The following RIC3 variants were observed in gnomAD, a reference collection of about 807,000 sequenced individuals.
RIC3 encodes RIC3 acetylcholine receptor chaperone.
In RIC3, 28 loss-of-function variants were observed where a neutral mutation model predicts 27.3. The ratio of observed to expected loss-of-function variants is 1.02; its 90% CI spans 0.76 to 1.41. The LOEUF is 1.41. RIC3 is among the 40% of genes most tolerant of loss of function. The pLI, the probability that RIC3 is intolerant of heterozygous loss-of-function variation, is 0.00. For missense variants in RIC3, 501 were observed against 444.7 expected, an observed-to-expected ratio of 1.13 and a Z score of -1.14; for synonymous variants, 184 against 160.4, an observed-to-expected ratio of 1.15 and a Z score of -1.11.
intron 4 of RIC3, among the ~76,000 whole-genome samples, chr11:8,129,201 C>G (rs1262145039): frequency 6.6e-6 from 1 of 151,744 alleles, no homozygotes; most frequent in Non-Finnish European, 1.5e-5. Flanking sequence ...TTGTATTCTC[C>G]CACTTCTTTA....
At chr11:8,150,905 T>A (rs1950161527) in intron 1 of RIC3, among the ~76,000 whole-genome samples, 1 of 152,200 alleles carries the variant, frequency 6.6e-6, no homozygotes, top group South Asian at 2.1e-4. Context: ...TCATCCAGTC[T>A]TAATAAGTGG....
At chr11:8,163,864 G>T (rs776908937) in intron 1 of RIC3, among the ~76,000 whole-genome samples, 8 of 149,892 alleles carry the variant, frequency 5.3e-5, no homozygotes, top group African/African-American at 9.8e-5. Flanking sequence ...AATTCCTATG[G>T]AAATGCTAGG....
chr11:8,151,731 T>C (rs1345786614), intron 1 of RIC3, among the ~76,000 whole-genome samples: 1 of 151,106 alleles, frequency 6.6e-6, no homozygotes, highest in African/African-American at 2.4e-5. Context: ...CTGGCCAACA[T>C]GGTGAAACCT....
At chr11:8,138,580 G>A in intron 2 of RIC3, 1 of 472,154 alleles carries the variant, frequency 2.1e-6, no homozygotes, top group South Asian at 4.1e-5. Flanking sequence ...CCTCTTCAAA[G>A]AGACTTTACT....
chr11:8,095,764 T>A, the RIC3 span: 1 of 1,293,638 alleles, frequency 7.7e-7, no homozygotes, highest in Non-Finnish European at 1.1e-6. Flanking sequence ...TCCAAACCCC[T>A]CCCTGGCAAT....
intron 5 of RIC3, among the ~76,000 whole-genome samples, chr11:8,117,321 T>C (rs1945960540): frequency 6.6e-6 from 1 of 152,202 alleles, no homozygotes; most frequent in Admixed American, 6.5e-5. Flanking sequence ...TGCCTCGGCC[T>C]CCCAAAGTGT....
At chr11:8,127,113 G>C (rs1947083727) in intron 4 of RIC3, among the ~76,000 whole-genome samples, 1 of 152,018 alleles carries the variant, frequency 6.6e-6, no homozygotes, top group South Asian at 2.1e-4. Context: ...GTTTTTTCAG[G>C]GTATGTCAAT....
At chr11:8,130,142 T>C (rs1019015635) in intron 4 of RIC3, among the ~76,000 whole-genome samples, 1 of 152,202 alleles carries the variant, frequency 6.6e-6, no homozygotes, top group African/African-American at 2.4e-5. Flanking sequence ...CTTCCATTCA[T>C]AGTGCAAAGA....
the RIC3 span, chr11:8,097,602 C>T: frequency 7.7e-7 from 1 of 1,297,702 alleles, no homozygotes; most frequent in Non-Finnish European, 1.1e-6. Context: ...TGTGTGTGCA[C>T]ATATGTGCGT....
rs1564953174 is a variant in RIC3 at position 8,110,193 on chromosome 11, C to G, written c.*505G>C. 4.6e-6 allele frequency: 1 copy of G among 219,522 alleles called. No homozygotes were observed. The highest frequency in any genetic ancestry group is 9.1e-6 in the Non-Finnish European group (1 of 109,562). The allele number at this position is 219,522 out of a possible 1,614,324, so 13.6% of individuals were successfully genotyped here. A position where few individuals can be genotyped will look rare whatever the true frequency, so the allele number is the denominator to read the frequency against. On this transcript the variant is annotated 3_prime_UTR_variant, in exon 6 of 6. Coordinates refer to ENST00000309737, the MANE Select transcript of RIC3 (RefSeq NM_001206671.4). ...AGCTTAGACAGCAGAGTCTTACCCT[C>G]CTCTGGGCCCATTAGCCCCACAAAC...
rs931814965 is a variant in RIC3 at position 8,110,721 on chromosome 11, G to A, written c.1087C>T (p.Arg363Cys). Residue 363 changes from arginine (R) to cysteine (C), a missense_variant, in exon 6 of 6, where the codon CGT becomes TGT. Transcript: ENST00000309737. ...TTTCACTCTAAACCCTGGGGGTTAC[G>A]CTTCCTCAGCATGCTGCCTGTATAT... ...KAYTGSMLRK[R>C]NPQGLE 1.9e-6 allele frequency: 3 copies of A among 1,614,158 alleles called. No individual in the cohort carries two copies. The highest frequency in any genetic ancestry group is 1.7e-5 in the Admixed American group (1 of 60,026).
intron 5 of RIC3, among the ~76,000 whole-genome samples, chr11:8,112,772 CT>C (rs1945421081): frequency 6.6e-6 from 1 of 152,178 alleles, no homozygotes. Context: ...ACATGATTTA[CT>C]AGTCCTCTTT....
At chr11:8,094,112 C>G in the RIC3 span, 5 of 1,614,142 alleles carry the variant, frequency 3.1e-6, no homozygotes, top group Middle Eastern at 1.6e-4. Flanking sequence ...CCAGCTTCAG[C>G]CAAGAGAACC....
intron 1 of RIC3, among the ~76,000 whole-genome samples, chr11:8,141,494 T>A (rs902604302): frequency 6.6e-6 from 1 of 152,050 alleles, no homozygotes; most frequent in African/African-American, 2.4e-5. Flanking sequence ...TAAATATATA[T>A]GCACCCAATA....
At chr11:8,156,932 C>G (rs894001445) in intron 1 of RIC3, among the ~76,000 whole-genome samples, 4 of 152,182 alleles carry the variant, frequency 2.6e-5, no homozygotes, top group Admixed American at 2.6e-4. Flanking sequence ...TAAACACCAT[C>G]TCTATCCAAT....
At chr11:8,102,984 T>C (rs1228715163), downstream of RIC3, 1 of 152,254 alleles carries the variant, frequency 6.6e-6, no homozygotes, top group Non-Finnish European at 1.5e-5. Context: ...GTTGATAAAT[T>C]AGATTGAAAC....
At chr11:8,098,384 AGAG>A in the RIC3 span, among the ~76,000 whole-genome samples, 2 of 152,310 alleles carry the variant, frequency 1.3e-5, no homozygotes, top group African/African-American at 2.4e-5. Flanking sequence ...TGGCTGCGAC[AGAG>A]GAGATCTCAT....
chr11:8,147,221 T>C (rs557450470), intron 1 of RIC3, among the ~76,000 whole-genome samples: 62 of 152,236 alleles, frequency 4.1e-4, no homozygotes, highest in Non-Finnish European at 6.2e-4. Context: ...CTTACACATA[T>C]TGATTGATGT....
At chr11:8,141,630 G>C (rs1345455678) in intron 1 of RIC3, among the ~76,000 whole-genome samples, 1 of 151,678 alleles carries the variant, frequency 6.6e-6, no homozygotes, top group African/African-American at 2.4e-5. Flanking sequence ...GAGACAGAAA[G>C]TCAACAAGGA....
Sources: gnomAD v4.1 joint callset for allele counts (sites outside exome capture counted in the v4.1 genomes callset) on GRCh38, gnomAD v4.1.1 for gene constraint, MANE v1.5 for transcripts, NCBI Gene and HGNC (gene_info 2026-07-23, HGNC 2026-07-21) for gene names.